The following MYO9B variants were observed in gnomAD, a reference collection of about 807,000 sequenced individuals.
MYO9B encodes unconventional myosin-IXb.
Under a neutral mutation model 229.5 loss-of-function variants are expected in MYO9B, and 71 were observed. That is an observed-to-expected ratio of 0.31 (90% CI 0.26 to 0.38). The LOEUF (loss-of-function observed/expected upper bound fraction) is 0.38, where lower values mean the gene tolerates loss of function less well. Ranked by LOEUF, MYO9B falls within the 10% of genes least tolerant of loss-of-function variation. The probability of loss-of-function intolerance (pLI) is 1.00; values close to 1 mark genes in which losing one functional copy is unlikely to be tolerated. For synonymous variants in MYO9B, 1,185 were observed against 1,235.8 expected (o/e 0.96, Z 0.86); for missense variants, 2,255 against 2,920.5 (o/e 0.77, Z 5.25).
chr19:17,201,567 T>C (rs1159217327), intron 26 of MYO9B, among the ~76,000 whole-genome samples: 1 of 152,012 alleles, frequency 6.6e-6, no homozygotes, highest in African/African-American at 2.4e-5. Flanking sequence ...CCTGTAGCTC[T>C]CATCTAGGGG....
At chr19:17,094,434 C>A (rs966630163) in intron 1 of MYO9B, among the ~76,000 whole-genome samples, 4 of 152,158 alleles carry the variant, frequency 2.6e-5, no homozygotes, top group Non-Finnish European at 5.9e-5. Context: ...ACCACCACGA[C>A]CAATGCCATA....
chr19:17,118,112 G>A (rs2057924346), intron 2 of MYO9B, among the ~76,000 whole-genome samples: 1 of 152,034 alleles, frequency 6.6e-6, no homozygotes, highest in African/African-American at 2.4e-5. Context: ...CTGGTGGGTA[G>A]AGGCCAAGAT....
chr19:17,085,557 C>T (rs1007999414), intron 1 of MYO9B, among the ~76,000 whole-genome samples: 4 of 151,948 alleles, frequency 2.6e-5, no homozygotes, highest in Non-Finnish European at 4.4e-5. Context: ...GGGGCAGTGG[C>T]TCATGCCTGT....
Position 17,172,707 on chromosome 19 carries a change from G to T in MYO9B, c.1936-52G>T. ...TGCGCCAGCCCGGGGTCTTTGGTAG[G>T]CGCCGGTGAGTGACTATCCCCGAGT... On this transcript the variant is annotated intron_variant, in intron 12 of 39. Transcript: ENST00000682292. This position sits in a 1 kb window ranked among gnomAD's most constrained non-coding sequence, Gnocchi z 8.2. The T allele has an allele frequency of 6.3e-7, 1 of 1,594,358 alleles. No individual in the cohort carries two copies. Among genetic ancestry groups the T allele is most frequent in the Non-Finnish European group, 8.6e-7 (1 of 1,163,714 alleles).
At chr19:17,108,568 G>A (rs2057815504) in intron 2 of MYO9B, among the ~76,000 whole-genome samples, 1 of 151,130 alleles carries the variant, frequency 6.6e-6, no homozygotes, top group Non-Finnish European at 1.5e-5. Flanking sequence ...ATAGCTTCCC[G>A]TTGTCCCCTG....
chr19:17,112,381 G>A (rs143620994), intron 2 of MYO9B, among the ~76,000 whole-genome samples: 2 of 152,306 alleles, frequency 1.3e-5, no homozygotes, highest in Admixed American at 6.5e-5. Flanking sequence ...CCATCTGCAC[G>A]TTCTTCCCAG....
chr19:17,105,655 C>T (rs2057786206), intron 2 of MYO9B, among the ~76,000 whole-genome samples: 1 of 152,114 alleles, frequency 6.6e-6, no homozygotes, highest in African/African-American at 2.4e-5. Context: ...CAGGGTCAGA[C>T]CCCACCCTTT....
Position 17,102,491 on chromosome 19 carries a change from C to T in MYO9B, c.774C>T (p.Ala258=), listed in dbSNP as rs2057754468. 6.2e-7 allele frequency: 1 copy of T among 1,613,598 alleles called. No homozygotes were observed. Among genetic ancestry groups the T allele is most frequent in the African/African-American group, 1.3e-5 (1 of 75,048 alleles). The change falls in exon 2 of 40, where the codon GCC becomes GCT. Residue 258 remains alanine, a synonymous_variant. Transcript: ENST00000682292. ...STNFLIHCLT[A]LSQKGYASGV... ...ACTTCCTCATCCACTGCCTCACCGC[C>T]CTCAGCCAGAAGGGCTACGCCAGCG...
chr19:17,205,365 C>A, intron 31 of MYO9B, 29 bp downstream of exon 31: 1 of 1,599,028 alleles, frequency 6.3e-7, no homozygotes. Flanking sequence ...GAACTTTCTA[C>A]AATGACACTC....
chr19:17,197,968 C>T lies in MYO9B; in HGVS notation c.4113+110C>T, dbSNP rs933094815. 243 of 1,435,658 alleles carry T rather than the reference C, an allele frequency of 1.7e-4. 5 individuals are homozygous for T. The South Asian group carries it at 2.5e-3, about 15-fold the overall frequency. The allele number at this position is 1,435,658 out of a possible 1,614,324, so 88.9% of individuals were successfully genotyped here. Reference sequence around the variant, plus strand: ...ACTCAGGAGGCTGAGGCGAGAGAATCGCTTGAACGCAGTGGCAGGGTAGAG... The same window carrying T: ...ACTCAGGAGGCTGAGGCGAGAGAATTGCTTGAACGCAGTGGCAGGGTAGAG... On this transcript the variant is annotated intron_variant, in intron 23 of 39. Transcript: ENST00000682292.
intron 20 of MYO9B, among the ~76,000 whole-genome samples, chr19:17,192,211 T>C (rs1012060848): frequency 2.7e-5 from 4 of 149,860 alleles, no homozygotes; most frequent in African/African-American, 7.4e-5. Context: ...AAGAATCGCT[T>C]GAAACCGGGA....
At chr19:17,112,863 C>G (rs995676399) in intron 2 of MYO9B, among the ~76,000 whole-genome samples, 1 of 152,212 alleles carries the variant, frequency 6.6e-6, no homozygotes, top group African/African-American at 2.4e-5. Flanking sequence ...GTTGGCCATA[C>G]AGGGAGGTGA....
At chr19:17,180,585 G>A (rs1347079174) in intron 14 of MYO9B, 1 of 164,626 alleles carries the variant, frequency 6.1e-6, no homozygotes, top group African/African-American at 2.4e-5. Context: ...CCTGACCTCA[G>A]GTGATCCACC....
chr19:17,206,965 T>A, intron 34 of MYO9B, 148 bp from the exon 35 acceptor site: 1 of 1,320,560 alleles, frequency 7.6e-7, no homozygotes, highest in Non-Finnish European at 1.1e-6. Context: ...TTGAGGTACC[T>A]CTCTGTGCTG....
At chr19:17,120,407 C>G (rs2057950962) in intron 2 of MYO9B, among the ~76,000 whole-genome samples, 1 of 152,110 alleles carries the variant, frequency 6.6e-6, no homozygotes, top group African/African-American at 2.4e-5. Flanking sequence ...CTTTGGGAAG[C>G]CAAGGCGGGA....
chr19:17,184,643 T>C (rs1384619899), intron 16 of MYO9B: 1 of 506,212 alleles, frequency 2.0e-6, no homozygotes, highest in South Asian at 2.6e-5. Context: ...AAAGAGGCTG[T>C]CATCAGCCCT....
intron 7 of MYO9B, 118 bp downstream of exon 7, chr19:17,157,156 C>T: frequency 8.0e-7 from 1 of 1,255,686 alleles, no homozygotes; most frequent in South Asian, 1.6e-5. Flanking sequence ...CAACCAGGAC[C>T]TCACGTCTTC....
At chr19:17,208,353 A>AAAAACAACT (rs74332276) in intron 35 of MYO9B, among the ~76,000 whole-genome samples, 1 of 124,616 alleles carries the variant, frequency 8.0e-6, no homozygotes, top group Admixed American at 8.5e-5. Context: ...AAAAAAAAAA[A>AAAAACAACT]ATCCAGATGG....
At chr19:17,208,703 A>G (rs2073191053) in intron 35 of MYO9B, among the ~76,000 whole-genome samples, 1 of 152,200 alleles carries the variant, frequency 6.6e-6, no homozygotes, top group South Asian at 2.1e-4. Flanking sequence ...AGCCTAAAAC[A>G]GAACTTTTAA....
Sources: allele counts gnomAD v4.1 joint callset (sites outside exome capture counted in the v4.1 genomes callset), GRCh38; gene constraint gnomAD v4.1.1; non-coding constraint Gnocchi (gnomAD v3.1); transcripts MANE v1.5; gene names NCBI Gene and HGNC (gene_info 2026-07-23, HGNC 2026-07-21).